RASAL2: variants seen among roughly 807,000 people sequenced by gnomAD.
RASAL2 encodes the protein ras GTPase-activating protein nGAP.
A neutral mutation model predicts 128.9 loss-of-function variants in RASAL2; 58 were observed. The ratio of observed to expected loss-of-function variants is 0.45; its 90% CI spans 0.36 to 0.56. RASAL2 has a LOEUF of 0.56. Among genes scored for constraint, RASAL2 ranks in the 20% least tolerant of loss-of-function variants. RASAL2 has a pLI of 0.00. For synonymous variants in RASAL2, 561 were observed against 580.8 expected, an observed-to-expected ratio of 0.97 and a Z score of 0.49; for missense variants, 1,360 against 1,601.6, an observed-to-expected ratio of 0.85 and a Z score of 2.57.
chr1:178,249,927 C>T (rs996766959), intron 1 of RASAL2, among the ~76,000 whole-genome samples: 3 of 152,206 alleles, frequency 2.0e-5, no homozygotes, highest in African/African-American at 4.8e-5. Context: ...CTGTTCCTTC[C>T]TCTGGAAGCT....
At chr1:178,308,414 T>C (rs1668092808) in intron 3 of RASAL2, among the ~76,000 whole-genome samples, 1 of 152,092 alleles carries the variant, frequency 6.6e-6, no homozygotes, top group South Asian at 2.1e-4. Context: ...ACCAAAAACT[T>C]GAGAAAACTT....
At position 178,169,691 on chromosome 1, in the gene RASAL2, C is replaced by T. The variant is rs565336455; in HGVS notation, c.202+74997C>T. Among the ~76,000 whole-genome samples, 289 of 152,112 alleles carry T rather than the reference C, an allele frequency of 1.9e-3. 5 individuals carry two copies. The highest frequency in any genetic ancestry group is 2.4e-4 in the Non-Finnish European group (16 of 67,916). ...TCTATTTATTGTTGAAATTATCCTT[C>T]AGAACCCATATGCTGAGTTCTGAAT... is the stretch of plus-strand genomic sequence containing the variant. On this transcript the variant is annotated intron_variant, in intron 1 of 17. Transcript: ENST00000367649.
intron 1 of RASAL2, among the ~76,000 whole-genome samples, chr1:178,099,726 C>T (rs911801719): frequency 2.0e-5 from 3 of 151,932 alleles, no homozygotes; most frequent in Non-Finnish European, 2.9e-5. Flanking sequence ...TTTGGGAGGC[C>T]GAGGCAGGTG....
intron 1 of RASAL2, among the ~76,000 whole-genome samples, chr1:178,250,530 T>C (rs911924480): frequency 5.3e-5 from 8 of 152,350 alleles, no homozygotes; most frequent in Middle Eastern, 3.4e-3. Context: ...TGGGACTCGC[T>C]GATCGAGACC....
chr1:178,170,995 T>C (rs1451087840), intron 1 of RASAL2, among the ~76,000 whole-genome samples: 17 of 151,960 alleles, frequency 1.1e-4, no homozygotes, highest in Admixed American at 1.1e-3. Flanking sequence ...TTTCTTGGCA[T>C]ATGCTCTTAA....
At chr1:178,278,476 C>T (rs1383523828) in intron 1 of RASAL2, among the ~76,000 whole-genome samples, 1 of 152,180 alleles carries the variant, frequency 6.6e-6, no homozygotes, top group African/African-American at 2.4e-5. Flanking sequence ...CCAGTTTCTT[C>T]TTTCTCCTCT....
At chr1:178,369,954 T>C (rs1018115668) in intron 3 of RASAL2, among the ~76,000 whole-genome samples, 1 of 152,162 alleles carries the variant, frequency 6.6e-6, no homozygotes, top group Non-Finnish European at 1.5e-5. Context: ...AGTTCTACTT[T>C]AAGATGTCAG....
chr1:178,367,520 T>G (rs1671466539), intron 3 of RASAL2, among the ~76,000 whole-genome samples: 1 of 152,184 alleles, frequency 6.6e-6, no homozygotes, highest in African/African-American at 2.4e-5. Flanking sequence ...GGACAGAGAT[T>G]TTGTTGCTTT....
At chr1:178,142,990 G>T (rs1660588557) in intron 1 of RASAL2, among the ~76,000 whole-genome samples, 1 of 151,860 alleles carries the variant, frequency 6.6e-6, no homozygotes, top group Admixed American at 6.6e-5. Flanking sequence ...TTAGTGATAA[G>T]GCAGGGGATT....
chr1:178,139,368 A>G (rs1331912593), intron 1 of RASAL2, among the ~76,000 whole-genome samples: 1 of 152,116 alleles, frequency 6.6e-6, no homozygotes, highest in African/African-American at 2.4e-5. Flanking sequence ...CTAATAGATT[A>G]GTGTTATAAT....
chr1:178,147,198 C>G (rs1332749039), intron 1 of RASAL2, among the ~76,000 whole-genome samples: 1 of 152,036 alleles, frequency 6.6e-6, no homozygotes, highest in South Asian at 2.1e-4. Flanking sequence ...CCTTTTAAAG[C>G]TAGTTTATGG....
intron 1 of RASAL2, among the ~76,000 whole-genome samples, chr1:178,166,787 C>G (rs777674889): frequency 1.3e-5 from 2 of 151,976 alleles, no homozygotes; most frequent in Non-Finnish European, 2.9e-5. Flanking sequence ...ATAAAAATGT[C>G]AGAAAATTGA....
intron 3 of RASAL2, among the ~76,000 whole-genome samples, chr1:178,366,164 G>A (rs1353988723): frequency 6.6e-6 from 1 of 151,960 alleles, no homozygotes; most frequent in Non-Finnish European, 1.5e-5. Context: ...GCTGGTAAAG[G>A]GCATAATGTC....
intron 5 of RASAL2, among the ~76,000 whole-genome samples, chr1:178,433,076 C>G (rs1173607613): frequency 6.6e-6 from 1 of 152,078 alleles, no homozygotes; most frequent in Non-Finnish European, 1.5e-5. Flanking sequence ...AGGCCTCACC[C>G]ACTCCAACAC....
intron 3 of RASAL2, among the ~76,000 whole-genome samples, chr1:178,353,016 G>A (rs1374057404): frequency 6.6e-6 from 1 of 152,232 alleles, no homozygotes; most frequent in Admixed American, 6.5e-5. Context: ...CCTGTGATGG[G>A]AGGGGCTGCT....
chr1:178,433,350 C>A (rs554697594), intron 5 of RASAL2, among the ~76,000 whole-genome samples: 1 of 152,086 alleles, frequency 6.6e-6, no homozygotes, highest in African/African-American at 2.4e-5. Flanking sequence ...CTCATAGAGC[C>A]TTTTTTGGCA....
intron 4 of RASAL2, among the ~76,000 whole-genome samples, chr1:178,396,500 A>T (rs985105080): frequency 6.6e-6 from 1 of 152,160 alleles, no homozygotes; most frequent in African/African-American, 2.4e-5. Flanking sequence ...CCAGAGATGT[A>T]GAAAAGAAAA....
chr1:178,281,020 A>C (rs1454439179), intron 1 of RASAL2, among the ~76,000 whole-genome samples: 1 of 152,068 alleles, frequency 6.6e-6, no homozygotes, highest in African/African-American at 2.4e-5. Context: ...AACCTATATA[A>C]GTTAAATATA....
intron 1 of RASAL2, among the ~76,000 whole-genome samples, chr1:178,249,434 G>A (rs986887271): frequency 3.3e-5 from 5 of 151,932 alleles, no homozygotes; most frequent in African/African-American, 1.2e-4. Flanking sequence ...CTAGTTAGCA[G>A]TTCCTGTAAC....
Sources: gnomAD v4.1 joint callset for allele counts (sites outside exome capture counted in the v4.1 genomes callset) on GRCh38, gnomAD v4.1.1 for gene constraint, MANE v1.5 for transcripts, NCBI Gene and HGNC (gene_info 2026-07-23, HGNC 2026-07-21) for gene names.